EIF4G3: variants seen among roughly 807,000 people sequenced by gnomAD.
The protein encoded by EIF4G3 is eIF-4-gamma 3.
A neutral mutation model predicts 186.4 loss-of-function variants in EIF4G3; 34 were observed. The observed-to-expected ratio is 0.18, with a 90% CI of 0.14 to 0.24. The LOEUF is 0.24. Ranked by LOEUF, EIF4G3 falls within the 10% of genes least tolerant of loss-of-function variation. EIF4G3 has a pLI of 1.00. For synonymous variants in EIF4G3, 673 were observed against 679.5 expected, an observed-to-expected ratio of 0.99 and a Z score of 0.15; for missense variants, 1,536 against 1,948.5, an observed-to-expected ratio of 0.79 and a Z score of 3.99.
At chr1:20,924,198 GAGA>G (rs1449500316) in intron 14 of EIF4G3, among the ~76,000 whole-genome samples, 3 of 152,116 alleles carry the variant, frequency 2.0e-5, no homozygotes, top group East Asian at 3.9e-4. Flanking sequence ...TGACATTTTA[GAGA>G]AGATCTAGAG....
chr1:20,954,693 A>G (rs1048595691), intron 12 of EIF4G3, among the ~76,000 whole-genome samples: 1 of 152,118 alleles, frequency 6.6e-6, no homozygotes, highest in African/African-American at 2.4e-5. Context: ...CCTGATGTTT[A>G]ACTTGTACAA....
chr1:20,970,164 G>A (rs2075548211), intron 11 of EIF4G3, among the ~76,000 whole-genome samples: 1 of 152,046 alleles, frequency 6.6e-6, no homozygotes, highest in South Asian at 2.1e-4. Flanking sequence ...ATTCTCTGAA[G>A]TTCTTTACCA....
chr1:21,147,823 G>T (rs1003097360), intron 2 of EIF4G3, among the ~76,000 whole-genome samples: 2 of 152,116 alleles, frequency 1.3e-5, no homozygotes, highest in African/African-American at 4.8e-5. Flanking sequence ...TTGAAAGACT[G>T]CAATATTTAA....
chr1:20,855,682 A>G (rs2074673039), intron 25 of EIF4G3, among the ~76,000 whole-genome samples: 1 of 152,252 alleles, frequency 6.6e-6, no homozygotes, highest in African/African-American at 2.4e-5. Context: ...ATATAACATA[A>G]AAGCTGTAAT....
chr1:21,163,157 T>G lies in EIF4G3; in HGVS notation c.-272+13018A>C, dbSNP rs190130683. The stretch of plus-strand genomic sequence containing the variant: ...TGTTTGGATCCTTTAACTATGATTT[T>G]TCTAATGAAGATCAAGAATGAAATC... On this transcript the variant is annotated intron_variant, in intron 2 of 36. Transcript: ENST00000602326. Among the ~76,000 whole-genome samples, 26 of 152,340 alleles carry G rather than the reference T, an allele frequency of 1.7e-4. No individual in the cohort carries two copies. In the East Asian group the frequency reaches 5.0e-3, roughly 29 times the overall value.
At chr1:20,853,405 C>T (rs1376082661) in intron 27 of EIF4G3, among the ~76,000 whole-genome samples, 155 bp downstream of exon 27, 1 of 152,126 alleles carries the variant, frequency 6.6e-6, no homozygotes, top group Non-Finnish European at 1.5e-5. Flanking sequence ...ATGTTCCTAT[C>T]TTAGAAATTA....
At chr1:21,023,222 T>C (rs1467617075) in intron 4 of EIF4G3, among the ~76,000 whole-genome samples, 1 of 104,050 alleles carries the variant, frequency 9.6e-6, no homozygotes, top group African/African-American at 3.3e-5. Context: ...GTAAGGGCTC[T>C]CCCTCTCCCT....
intron 2 of EIF4G3, among the ~76,000 whole-genome samples, chr1:21,125,202 C>T (rs2097006653): frequency 6.6e-6 from 1 of 151,990 alleles, no homozygotes; most frequent in African/African-American, 2.4e-5. Flanking sequence ...TCTACGTATG[C>T]AGCATATGAG....
At chr1:20,827,802 C>T in intron 31 of EIF4G3, 104 bp from the exon 32 acceptor site, 1 of 659,566 alleles carries the variant, frequency 1.5e-6, no homozygotes, top group Non-Finnish European at 2.6e-6. Context: ...GTGCAACCTA[C>T]ATAATACTGG....
intron 2 of EIF4G3, among the ~76,000 whole-genome samples, chr1:21,134,197 A>G (rs944822110): frequency 5.3e-5 from 8 of 152,226 alleles, no homozygotes; most frequent in African/African-American, 1.9e-4. Flanking sequence ...TATCTCAGTC[A>G]TAATGAGACT....
chr1:20,875,699 C>T (rs2080559887), intron 20 of EIF4G3, among the ~76,000 whole-genome samples: 1 of 152,170 alleles, frequency 6.6e-6, no homozygotes, highest in Non-Finnish European at 1.5e-5. Context: ...ATTGCTTGAG[C>T]CCAGGAGTTT....
chr1:21,079,949 C>T lies in EIF4G3; in HGVS notation c.-196+9189G>A, dbSNP rs574943981. Among the ~76,000 whole-genome samples, 7 of 151,032 alleles carry T rather than the reference C, an allele frequency of 4.6e-5. No homozygotes were observed. The East Asian group carries it at 1.2e-3, about 25-fold the overall frequency. On this transcript the variant is annotated intron_variant, in intron 3 of 36. Coordinates refer to ENST00000602326, the MANE Select transcript of EIF4G3 (RefSeq NM_001391906.1). ...GGTGGATCACCTGAGGTCAGGAGTT[C>T]GAGACCAGCCTGGCCAACATGGTGA...
At chr1:20,851,602 G>T in intron 27 of EIF4G3, 124 bp from the exon 28 acceptor site, 1 of 788,222 alleles carries the variant, frequency 1.3e-6, no homozygotes, top group African/African-American at 1.7e-5. Context: ...AACATTAGAT[G>T]TGTGAGGCAC....
At chr1:21,170,052 G>A (rs903456057) in intron 2 of EIF4G3, among the ~76,000 whole-genome samples, 2 of 152,124 alleles carry the variant, frequency 1.3e-5, no homozygotes, top group African/African-American at 2.4e-5. Flanking sequence ...GTGCACGCCT[G>A]TAGTCCCAGC....
chr1:21,017,652 A>AG (rs796518074), intron 4 of EIF4G3, among the ~76,000 whole-genome samples: 3,914 of 129,298 alleles, frequency 0.03, 470 homozygotes, highest in East Asian at 0.1. Flanking sequence ...AAAAAAAAAA[A>AG]AAGAAGTTTA....
chr1:20,928,522 C>T (rs1334101427), intron 14 of EIF4G3, among the ~76,000 whole-genome samples: 1 of 151,950 alleles, frequency 6.6e-6, no homozygotes, highest in African/African-American at 2.4e-5. Flanking sequence ...CCTGTCTCAG[C>T]CTCCTGAGTA....
intron 4 of EIF4G3, among the ~76,000 whole-genome samples, chr1:21,016,725 A>T (rs1172580253): frequency 6.6e-6 from 1 of 152,010 alleles, no homozygotes; most frequent in Non-Finnish European, 1.5e-5. Flanking sequence ...TGGGAGCCCG[A>T]GATAGGTGGT....
intron 33 of EIF4G3, among the ~76,000 whole-genome samples, chr1:20,822,343 T>C (rs1035998895): frequency 1.4e-5 from 2 of 142,320 alleles, no homozygotes; most frequent in Admixed American, 7.1e-5. Flanking sequence ...TTTTATCTTC[T>C]CAAAGAACCA....
intron 14 of EIF4G3, among the ~76,000 whole-genome samples, chr1:20,915,607 TAAAC>T (rs1373065167): frequency 6.6e-6 from 1 of 151,968 alleles, no homozygotes; most frequent in Non-Finnish European, 1.5e-5. Flanking sequence ...AAGCAGTTAA[TAAAC>T]AAAAAAAACC....
Sources: allele counts gnomAD v4.1 joint callset (sites outside exome capture counted in the v4.1 genomes callset), GRCh38; gene constraint gnomAD v4.1.1; transcripts MANE v1.5; gene names NCBI Gene and HGNC (gene_info 2026-07-23, HGNC 2026-07-21).